Variants in GFM1 observed in about 807,000 individuals in gnomAD.
GFM1 encodes elongation factor G, mitochondrial.
Under a neutral mutation model 96.2 loss-of-function variants are expected in GFM1, and 62 were observed. The observed-to-expected ratio is 0.64, with a 90% CI of 0.53 to 0.80. The LOEUF is 0.80. Ranked by LOEUF, GFM1 falls within the 30% of genes least tolerant of loss-of-function variation. The pLI is 0.00. For missense variants in GFM1, 852 were observed against 916.6 expected (o/e 0.93, Z 0.91); for synonymous variants, 282 against 312.9 (o/e 0.90, Z 1.04).
At chr3:158,661,612 C>T (rs9872962) in intron 10 of GFM1, among the ~76,000 whole-genome samples, 63,230 of 152,026 alleles carry the variant, frequency 0.42, 14,292 homozygotes, top group African/African-American at 0.6. Context: ...TTTGAATTCC[C>T]TTCACTCACT....
intron 13 of GFM1, among the ~76,000 whole-genome samples, chr3:158,671,195 C>T (rs547972636): frequency 6.6e-6 from 1 of 152,196 alleles, no homozygotes; most frequent in African/African-American, 2.4e-5. Context: ...AGCAAGTCCC[C>T]TATCAAGTTT....
intron 13 of GFM1, among the ~76,000 whole-genome samples, chr3:158,673,931 C>T (rs1313847784): frequency 7.1e-6 from 1 of 140,960 alleles, no homozygotes; most frequent in Non-Finnish European, 1.5e-5. Context: ...ATTATTGTCT[C>T]CTGGGATTTG....
Position 158,666,400 on chromosome 3 carries a change from G to A in GFM1, c.1601+14G>A, listed in dbSNP as rs1184148253. 2.5e-6 allele frequency: 4 copies of A among 1,603,982 alleles called. No individual in the cohort carries two copies. Among genetic ancestry groups the A allele is most frequent in the South Asian group, 1.1e-5 (1 of 90,866 alleles). On this transcript the variant is annotated intron_variant, in intron 13 of 17. Coordinates refer to ENST00000486715, the MANE Select transcript of GFM1 (RefSeq NM_024996.7). The stretch of plus-strand genomic sequence containing the variant: ...TGCCCCTGTCCCGTAAGTATGCAAC[G>A]TAATTAAACATTATGAGGCTGAAAT...
At chr3:158,652,061 A>G in intron 5 of GFM1, 35 bp from the exon 6 acceptor site, 1 of 1,588,630 alleles carries the variant, frequency 6.3e-7, no homozygotes, top group Non-Finnish European at 8.6e-7. Context: ...ATTAAGTTGA[A>G]TATCCTTAAA....
At chr3:158,673,723 C>CA (rs1318532640) in intron 13 of GFM1, among the ~76,000 whole-genome samples, 43 of 151,808 alleles carry the variant, frequency 2.8e-4, no homozygotes, top group Non-Finnish European at 2.9e-5. Context: ...AGGCTGGTCT[C>CA]AAACTCCTGA....
intron 4 of GFM1, among the ~76,000 whole-genome samples, chr3:158,648,566 T>TA (rs1481553634): frequency 6.6e-6 from 1 of 151,594 alleles, no homozygotes; most frequent in Admixed American, 6.6e-5. Context: ...TAGTCCCAGC[T>TA]ACTCGGGAGG....
Position 158,665,429 on chromosome 3 carries a change from A to G in GFM1, c.1473A>G (p.Thr491=), listed in dbSNP as rs768162325. 8.7e-6 allele frequency: 14 copies of G among 1,610,672 alleles called. No homozygotes were observed. The highest frequency in any genetic ancestry group is 1.2e-5 in the Non-Finnish European group (14 of 1,177,300). Residue 491 remains threonine, a synonymous_variant, in exon 12 of 18, where the codon ACA becomes ACG. Transcript: ENST00000486715. ...KVYFDTENKE[T]VISGMGELHL... ...ACTTTGACACTGAGAACAAAGAGAC[A>G]GTTATATCTGGAATGGGAGAATTAC...
At chr3:158,668,156 A>T (rs761289190) in intron 13 of GFM1, among the ~76,000 whole-genome samples, 1 of 152,182 alleles carries the variant, frequency 6.6e-6, no homozygotes, top group Non-Finnish European at 1.5e-5. Context: ...TGGTTCCAAG[A>T]TTCCCCTCAG....
Position 158,661,744 on chromosome 3 carries a change from A to AT in GFM1, c.1323+772dup, listed in dbSNP as rs535365082. 3.7e-4 allele frequency among the ~76,000 whole-genome samples: 56 copies of AT among 152,294 alleles called. No individual in the cohort carries two copies. In the East Asian group the frequency reaches 0.011, roughly 29 times the overall value. ...TGATGAGTACATAGGGTGACAGGTAATTTGCAGTGGGTCATTTACATAAGT... is the reference window on the plus strand; with the variant it reads ...TGATGAGTACATAGGGTGACAGGTAATTTTGCAGTGGGTCATTTACATAAGT... On this transcript the variant is annotated intron_variant, in intron 10 of 17. Transcript: ENST00000486715.
rs1174797887 is a variant in GFM1, at chr3:158,646,775, G to GCCCT, written c.401_404dup (p.Arg136ProfsTer40). On this transcript the variant is annotated frameshift_variant, in exon 4 of 18. Transcript: ENST00000486715. LOFTEE classifies it high-confidence loss of function. ...GGACTTCACAATAGAAGTGGAAAGGGCCCTGAGAGTGTTGGATGGTGCAGT... is the reference window on the plus strand; with the variant it reads ...GGACTTCACAATAGAAGTGGAAAGGGCCCTCCCTGAGAGTGTTGGATGGTGCAGT... 5.0e-6 allele frequency: 8 copies of GCCCT among 1,614,068 alleles called. No homozygotes were observed. Among genetic ancestry groups the GCCCT allele is most frequent in the Non-Finnish European group, 6.8e-6 (8 of 1,180,006 alleles).
At chr3:158,655,174 T>C (rs893184833) in intron 8 of GFM1, among the ~76,000 whole-genome samples, 4 of 152,076 alleles carry the variant, frequency 2.6e-5, no homozygotes, top group African/African-American at 9.7e-5. Context: ...GCCCAGCCAG[T>C]CGCAGTGGTT....
chr3:158,684,774 C>T (rs1725696381), intron 15 of GFM1, 106 bp downstream of exon 15: 1 of 1,170,290 alleles, frequency 8.5e-7, no homozygotes. Flanking sequence ...CACTAGGCTC[C>T]ACAGGGAATA....
chr3:158,663,106 T>C (rs148707789), intron 11 of GFM1, among the ~76,000 whole-genome samples: 2 of 152,328 alleles, frequency 1.3e-5, no homozygotes, highest in Non-Finnish European at 2.9e-5. Context: ...CTGGTAGTTA[T>C]GAGGTAAATG....
chr3:158,685,684 A>G (rs1158423736), intron 15 of GFM1, among the ~76,000 whole-genome samples: 1 of 152,164 alleles, frequency 6.6e-6, no homozygotes, highest in Admixed American at 6.5e-5. Flanking sequence ...TTTCCTTTAT[A>G]TCAGCTCTCT....
chr3:158,678,504 C>T (rs780237986), intron 13 of GFM1, among the ~76,000 whole-genome samples: 38 of 152,146 alleles, frequency 2.5e-4, no homozygotes, highest in Non-Finnish European at 2.6e-4. Context: ...TTTAAGACTT[C>T]AGTGGGTGAA....
intron 15 of GFM1, among the ~76,000 whole-genome samples, chr3:158,686,621 TTA>T (rs1725874900): frequency 6.9e-6 from 1 of 144,710 alleles, no homozygotes; most frequent in African/African-American, 2.6e-5. Context: ...TATGTACCAT[TTA>T]GTTTTTTATT....
chr3:158,680,706 A>C (rs1045157324), intron 13 of GFM1, among the ~76,000 whole-genome samples: 6 of 152,142 alleles, frequency 3.9e-5, no homozygotes, highest in African/African-American at 1.2e-4. Context: ...TACCTATTTC[A>C]TGGGTTTGTG....
intron 13 of GFM1, among the ~76,000 whole-genome samples, chr3:158,668,520 A>G (rs965336164): frequency 1.3e-5 from 2 of 152,154 alleles, no homozygotes; most frequent in Non-Finnish European, 2.9e-5. Context: ...TTTGTTCTAG[A>G]AGAGGGTTTG....
chr3:158,674,717 TGAAAA>T lies in GFM1; in HGVS notation c.1602-7270_1602-7266del, dbSNP rs201111149. Reference sequence around the variant, plus strand: ...ATATTTAAGCTTTTTCCTCTCTCCTTGAAAAGAAAAGATAATTAGCGTTTTACAGT... The same window carrying T: ...ATATTTAAGCTTTTTCCTCTCTCCTTGAAAAGATAATTAGCGTTTTACAGT... On this transcript the variant is annotated intron_variant, in intron 13 of 17. Coordinates refer to ENST00000486715, the MANE Select transcript of GFM1 (RefSeq NM_024996.7). Among the ~76,000 whole-genome samples the T allele has an allele frequency of 3.9e-3, 599 of 152,338 alleles. 3 individuals carry two copies. The highest frequency in any genetic ancestry group is 0.013 in the African/African-American group (537 of 41,574).
Sources: allele counts gnomAD v4.1 joint callset (sites outside exome capture counted in the v4.1 genomes callset), GRCh38; gene constraint gnomAD v4.1.1; transcripts MANE v1.5; gene names NCBI Gene and HGNC (gene_info 2026-07-23, HGNC 2026-07-21).